Variants in RANGAP1 observed in about 807,000 individuals in gnomAD.
RANGAP1 encodes ran GTPase-activating protein 1.
A neutral mutation model predicts 63.5 loss-of-function variants in RANGAP1; 38 were observed. The observed-to-expected ratio is 0.60, with a 90% CI of 0.46 to 0.78. RANGAP1 has a LOEUF of 0.78. Among genes scored for constraint, RANGAP1 ranks in the 30% least tolerant of loss-of-function variants. The pLI is 0.00. For synonymous variants in RANGAP1, 329 were observed against 310.5 expected (o/e 1.06, Z -0.63); for missense variants, 630 against 740.3 (o/e 0.85, Z 1.73).
intron 2 of RANGAP1, among the ~76,000 whole-genome samples, chr22:41,276,158 C>T (rs1055710796): frequency 6.6e-6 from 1 of 152,216 alleles, no homozygotes; most frequent in African/African-American, 2.4e-5. Context: ...TGTATTCACA[C>T]ACAAACACAC....
chr22:41,290,400 T>C (rs969524170), upstream of RANGAP1, among the ~76,000 whole-genome samples: 2 of 152,010 alleles, frequency 1.3e-5, no homozygotes, highest in African/African-American at 4.8e-5. Flanking sequence ...CAGCTTATTT[T>C]TGCATTTTTA....
the RANGAP1 span, among the ~76,000 whole-genome samples, chr22:41,293,975 T>C: frequency 2.6e-5 from 4 of 151,958 alleles, no homozygotes; most frequent in Non-Finnish European, 5.9e-5. Context: ...CCTAACTTTT[T>C]CGTTAAAAAC....
At chr22:41,267,445 G>T (rs958557401) in intron 4 of RANGAP1, among the ~76,000 whole-genome samples, 1 of 152,154 alleles carries the variant, frequency 6.6e-6, no homozygotes, top group Non-Finnish European at 1.5e-5. Context: ...GGCCTGCCGT[G>T]TGCAGCCCCG....
rs887928053 is a variant in RANGAP1, at chr22:41,281,251, C to A, written c.-38-169G>T. Reference sequence around the variant, plus strand: ...AAACAGCATCAGAGAAGGAACAGTTCTAGAAGGTGCAGGAGGTAGTAAAAG... The same window carrying A: ...AAACAGCATCAGAGAAGGAACAGTTATAGAAGGTGCAGGAGGTAGTAAAAG... On this transcript the variant is annotated intron_variant, in intron 1 of 15. Coordinates refer to ENST00000356244, the MANE Select transcript of RANGAP1 (RefSeq NM_002883.4). 4.3e-5 allele frequency: 39 copies of A among 901,472 alleles called. 1 individual carries two copies. In the South Asian group the frequency reaches 7.8e-4, roughly 18 times the overall value. 55.8% of individuals were successfully genotyped at this position (901,472 alleles called of 1,614,324 possible). A position where few individuals can be genotyped will look rare whatever the true frequency, so the allele number is the denominator to read the frequency against.
At chr22:41,274,072 C>T (rs2034999581) in intron 3 of RANGAP1, among the ~76,000 whole-genome samples, 1 of 152,152 alleles carries the variant, frequency 6.6e-6, no homozygotes, top group African/African-American at 2.4e-5. Flanking sequence ...AGTGAGACTC[C>T]GTCTCAAAAA....
Position 41,268,087 on chromosome 22 carries a change from G to GT in RANGAP1, c.300+9dup. The GT allele has an allele frequency of 6.5e-7, 1 of 1,541,296 alleles. No homozygotes were observed. Among genetic ancestry groups the GT allele is most frequent in the African/African-American group, 1.4e-5 (1 of 73,092 alleles). On this transcript the variant is annotated intron_variant, in intron 4 of 15. Coordinates refer to ENST00000356244, the MANE Select transcript of RANGAP1 (RefSeq NM_002883.4). ...TGCGCGTGGAGGGGAAGAGCGGCTAGTTCGCTTACCAGGGCTGGTGGGATC... is the reference window on the plus strand; with the variant it reads ...TGCGCGTGGAGGGGAAGAGCGGCTAGTTTCGCTTACCAGGGCTGGTGGGATC...
Position 41,258,043 on chromosome 22 carries a change from C to G in RANGAP1, c.679G>C (p.Ala227Pro). The G allele has an allele frequency of 6.2e-7, 1 of 1,613,682 alleles. No homozygotes were observed. The highest frequency in any genetic ancestry group is 8.5e-7 in the Non-Finnish European group (1 of 1,179,722). Residue 227 changes from alanine to proline, a missense_variant, in exon 7 of 16, where the codon GCC (alanine) becomes CCC (proline). Physicochemically the swap from Ala to Pro is conservative, Grantham distance 27. Around this residue, in one of 3 missense-constraint regions of RANGAP1, gnomAD observed 428 missense variants for 465.5 expected, o/e 0.92. Transcript: ENST00000356244. The stretch of plus-strand genomic sequence containing the variant: ...TTGACAGCGAAAGCCTGGGCCAGGG[C>G]AGTGATGCCAGGGTGGTTGATCCCA... ...QNGINHPGITALAQAFAVNPL... is the reference protein window; with the variant it reads ...QNGINHPGITPLAQAFAVNPL...
chr22:41,286,656 G>A (rs2089654473), upstream of RANGAP1, among the ~76,000 whole-genome samples: 1 of 152,190 alleles, frequency 6.6e-6, no homozygotes, highest in African/African-American at 2.4e-5. Flanking sequence ...GGCATTCGAA[G>A]GCTTCCACAT....
chr22:41,277,422 A>G, intron 2 of RANGAP1: 1 of 1,161,762 alleles, frequency 8.6e-7, no homozygotes, highest in South Asian at 1.3e-5. Context: ...ATGTTTCTGT[A>G]TTCTATAATA....
At chr22:41,254,840 C>T (rs1023192999) in intron 10 of RANGAP1, among the ~76,000 whole-genome samples, 2 of 152,006 alleles carry the variant, frequency 1.3e-5, no homozygotes, top group Non-Finnish European at 2.9e-5. Flanking sequence ...GGTGTGGTGG[C>T]GGGCGCCTGT....
intron 1 of RANGAP1, among the ~76,000 whole-genome samples, chr22:41,282,856 G>A (rs1414011301): frequency 1.3e-5 from 2 of 152,140 alleles, no homozygotes; most frequent in African/African-American, 4.8e-5. Flanking sequence ...AAAAGAAACA[G>A]CAAGTAATCA....
Position 41,257,950 on chromosome 22 carries a change from C to A in RANGAP1, c.772G>T (p.Glu258Ter). 1.2e-6 allele frequency: 2 copies of A among 1,601,758 alleles called. No homozygotes were observed. The highest frequency in any genetic ancestry group is 8.5e-7 in the Non-Finnish European group (1 of 1,172,364). Residue 258 changes from glutamate to a stop codon, truncating the protein, a stop_gained and splice_region_variant, in exon 7 of 16, where the codon GAG becomes TAG. Coordinates refer to ENST00000356244, the MANE Select transcript of RANGAP1 (RefSeq NM_002883.4). LOFTEE classifies it high-confidence loss of function. This position sits in a 1 kb window ranked among gnomAD's most constrained non-coding sequence, Gnocchi z 4.0. Reference protein sequence around the residue: ...FTEKGAVAMAETLKTLRQVEV... With the variant: ...FTEKGAVAMA ...TGGCTCTGCCACACTCGCCTCACCT[C>A]GGCCATGGCCACGGCGCCCTTCTCA...
In RANGAP1 at chr22:41,261,401, G is replaced by A. The variant is rs755545422; in HGVS notation, c.615+45C>T. Reference sequence around the variant, plus strand: ...CAGAACTGTCAGCCTACTATGCCGAGTGCACCTCAAGGCTGCAGGGGCAGG... The same window carrying A: ...CAGAACTGTCAGCCTACTATGCCGAATGCACCTCAAGGCTGCAGGGGCAGG... On this transcript the variant is annotated intron_variant, in intron 6 of 15. Coordinates refer to ENST00000356244, the MANE Select transcript of RANGAP1 (RefSeq NM_002883.4). 15 of 1,612,570 alleles carry A rather than the reference G, an allele frequency of 9.3e-6. No individual in the cohort carries two copies. The South Asian group carries it at 1.3e-4, about 14-fold the overall frequency.
chr22:41,256,587 C>A (rs925568593), intron 8 of RANGAP1, 124 bp downstream of exon 8: 16 of 803,414 alleles, frequency 2.0e-5, no homozygotes, highest in South Asian at 3.4e-5. Context: ...CATCACAGGG[C>A]CCGAAGTGGA....
chr22:41,248,040 A>AG (rs1401937535), intron 15 of RANGAP1, among the ~76,000 whole-genome samples: 3 of 152,216 alleles, frequency 2.0e-5, no homozygotes, highest in African/African-American at 7.2e-5. Context: ...TACTCTGACC[A>AG]GGGGGCAGGA....
At chr22:41,300,428 T>TCACACACA in the RANGAP1 span, among the ~76,000 whole-genome samples, 596 of 36,064 alleles carry the variant, frequency 0.017, 20 homozygotes, top group Middle Eastern at 0.023. Context: ...TATTGGGAAC[T>TCACACACA]CACACACACA....
chr22:41,263,355 A>G (rs1350665944), intron 5 of RANGAP1, among the ~76,000 whole-genome samples: 1 of 152,142 alleles, frequency 6.6e-6, no homozygotes, highest in East Asian at 1.9e-4. Flanking sequence ...TGCTGACGCA[A>G]ACGTTTTTAT....
intron 6 of RANGAP1, 122 bp downstream of exon 6, chr22:41,261,324 G>C (rs969416460): frequency 2.4e-5 from 35 of 1,428,766 alleles, no homozygotes; most frequent in Non-Finnish European, 1.9e-6. Flanking sequence ...CTTGGAGAGG[G>C]CACGTGACGC....
upstream of RANGAP1, among the ~76,000 whole-genome samples, chr22:41,290,942 T>C (rs1282368192): frequency 1.3e-5 from 2 of 152,108 alleles, no homozygotes; most frequent in Admixed American, 1.3e-4. Context: ...GAGAGATGGG[T>C]CAGCCCACCT....
Sources: gnomAD v4.1 joint callset for allele counts (sites outside exome capture counted in the v4.1 genomes callset) on GRCh38, gnomAD v4.1.1 for gene constraint, gnomAD v4.1.1 regional missense constraint, Gnocchi (gnomAD v3.1) non-coding constraint, MANE v1.5 for transcripts, NCBI Gene and HGNC (gene_info 2026-07-23, HGNC 2026-07-21) for gene names.